The following CNOT2 variants were observed in gnomAD, a reference collection of about 807,000 sequenced individuals.
CNOT2 encodes the protein CC chemokine receptor 4-negative regulator of transcription 2.
CNOT2 carries 7 observed loss-of-function variants against 72.1 expected under a neutral mutation model. That is an observed-to-expected ratio of 0.10 (90% CI 0.06 to 0.18). The LOEUF is 0.18. Ranked by LOEUF, CNOT2 falls within the 10% of genes least tolerant of loss-of-function variation. The pLI is 1.00. For missense variants in CNOT2, 345 were observed against 660.3 expected (o/e 0.52, Z 5.23); for synonymous variants, 196 against 225.6 (o/e 0.87, Z 1.17).
At chr12:70,311,057 A>T (rs374877154) in intron 3 of CNOT2, 40 bp downstream of exon 3, 1 of 1,498,934 alleles carries the variant, frequency 6.7e-7, no homozygotes, top group Non-Finnish European at 9.2e-7. Flanking sequence ...CAGCAATGTA[A>T]GTCTGTGTCT....
intron 2 of CNOT2, among the ~76,000 whole-genome samples, chr12:70,300,308 G>C (rs1387072697): frequency 6.6e-6 from 1 of 152,152 alleles, no homozygotes. Flanking sequence ...CCTATGTCCT[G>C]AATGGTATTG....
intron 1 of CNOT2, among the ~76,000 whole-genome samples, chr12:70,265,006 A>C (rs183304138): frequency 1.3e-3 from 192 of 152,098 alleles, no homozygotes; most frequent in African/African-American, 4.5e-3. Flanking sequence ...ACTTGTTCGT[A>C]GATCTTTGGG....
At chr12:70,304,860 A>G (rs1874929073) in intron 2 of CNOT2, among the ~76,000 whole-genome samples, 1 of 152,136 alleles carries the variant, frequency 6.6e-6, no homozygotes, top group Non-Finnish European at 1.5e-5. Flanking sequence ...TACCTACTCA[A>G]GCCTTGGCAA....
intron 15 of CNOT2, among the ~76,000 whole-genome samples, chr12:70,347,344 C>A (rs1181616191): frequency 6.6e-6 from 1 of 151,902 alleles, no homozygotes; most frequent in African/African-American, 2.4e-5. Flanking sequence ...TCATATAAAA[C>A]TCAAAAAGCC....
intron 2 of CNOT2, chr12:70,294,135 C>T (rs1379075828): frequency 7.8e-7 from 1 of 1,289,170 alleles, no homozygotes; most frequent in African/African-American, 1.5e-5. Context: ...TGGAGTTGAA[C>T]TTCAGAGCTA....
intron 15 of CNOT2, chr12:70,347,937 C>CTA (rs1163706626): frequency 6.6e-6 from 1 of 152,158 alleles, no homozygotes. Flanking sequence ...CAGTAGAAAG[C>CTA]TATAGCCTTT....
chr12:70,304,381 G>T (rs1266908821), intron 2 of CNOT2, among the ~76,000 whole-genome samples: 2 of 152,068 alleles, frequency 1.3e-5, no homozygotes, highest in Non-Finnish European at 2.9e-5. Flanking sequence ...TGGGTTTTTG[G>T]TGTGGATGTC....
rs1883271312 is a variant in CNOT2 at position 70,354,833 on chromosome 12, C to T, written c.*918C>T. On this transcript the variant is annotated 3_prime_UTR_variant, in exon 16 of 16. Coordinates refer to ENST00000229195, the MANE Select transcript of CNOT2 (RefSeq NM_014515.7). ...TTTCAGCAGCCAAGGACATCCATAC[C>T]CAAGTGAATGTGATGGGACTTAAAA... is the stretch of plus-strand genomic sequence containing the variant. 1 of 152,478 alleles carries T rather than the reference C, an allele frequency of 6.6e-6. No homozygotes were observed. The highest frequency in any genetic ancestry group is 1.5e-5 in the Non-Finnish European group (1 of 68,002). The allele number at this position is 152,478 out of a possible 1,614,324, so 9.4% of individuals were successfully genotyped here.
rs542058263 is a variant in CNOT2, at chr12:70,281,650, G to C, written c.48+3376G>C. 3.3e-5 allele frequency among the ~76,000 whole-genome samples: 5 copies of C among 152,248 alleles called. No individual in the cohort carries two copies. In the South Asian group the frequency reaches 1.0e-3, roughly 32 times the overall value. ...CAAGAATTAAGTATCAGTTTTTCCA[G>C]ACGTCACCCTATGGTAGATTCAGTG... On this transcript the variant is annotated intron_variant, in intron 2 of 15. Coordinates refer to ENST00000229195, the MANE Select transcript of CNOT2 (RefSeq NM_014515.7).
chr12:70,253,047 T>A (rs532704312), intron 1 of CNOT2, among the ~76,000 whole-genome samples: 2 of 152,228 alleles, frequency 1.3e-5, no homozygotes, highest in African/African-American at 2.4e-5. Flanking sequence ...GAATTTTGTT[T>A]AGATGACCTT....
intron 3 of CNOT2, among the ~76,000 whole-genome samples, chr12:70,314,392 T>C (rs902851099): frequency 4.1e-5 from 6 of 145,574 alleles, no homozygotes; most frequent in Admixed American, 1.4e-4. Context: ...TCATGAAGGA[T>C]TTTTTTTTTT....
At chr12:70,342,015 C>A in intron 11 of CNOT2, 92 bp from the exon 12 acceptor site, 1 of 830,860 alleles carries the variant, frequency 1.2e-6, no homozygotes, top group South Asian at 1.4e-5. Flanking sequence ...TAAAGATGGT[C>A]ATTTTACAGT....
chr12:70,346,118 T>C (rs1882138471), intron 14 of CNOT2, 62 bp from the exon 15 acceptor site: 1 of 1,110,916 alleles, frequency 9.0e-7, no homozygotes, highest in African/African-American at 1.6e-5. Context: ...TTACAAAATG[T>C]AGAACATGTT....
intron 1 of CNOT2, among the ~76,000 whole-genome samples, chr12:70,265,008 A>T (rs1958952806): frequency 4.6e-5 from 7 of 151,864 alleles, no homozygotes; most frequent in Admixed American, 4.6e-4. Context: ...TTGTTCGTAG[A>T]TCTTTGGGCA....
intron 1 of CNOT2, among the ~76,000 whole-genome samples, chr12:70,257,372 T>TC (rs992824152): frequency 4.3e-5 from 6 of 140,680 alleles, no homozygotes; most frequent in African/African-American, 1.7e-4. Context: ...TTTTTTTTTT[T>TC]CTTTTTGAGA....
At chr12:70,281,555 G>T (rs1400515595) in intron 2 of CNOT2, among the ~76,000 whole-genome samples, 1 of 152,160 alleles carries the variant, frequency 6.6e-6, no homozygotes, top group Non-Finnish European at 1.5e-5. Context: ...CTGCCATGCA[G>T]TTTCACACCC....
intron 1 of CNOT2, among the ~76,000 whole-genome samples, chr12:70,248,369 T>C (rs1957985781): frequency 6.6e-6 from 1 of 152,188 alleles, no homozygotes. Context: ...ATCATTTCTT[T>C]TGTTTTGTTT....
At chr12:70,325,043 A>G (rs1878872158) in intron 4 of CNOT2, among the ~76,000 whole-genome samples, 1 of 151,886 alleles carries the variant, frequency 6.6e-6, no homozygotes, top group East Asian at 1.9e-4. Context: ...TGTCTACTGC[A>G]TGTAAACACC....
chr12:70,243,917 T>G (rs1957720711), intron 1 of CNOT2: 1 of 152,178 alleles, frequency 6.6e-6, no homozygotes, highest in Non-Finnish European at 1.5e-5. Flanking sequence ...GCAGCGGCCG[T>G]GGCCGTGGCC....
Sources: allele counts gnomAD v4.1 joint callset (sites outside exome capture counted in the v4.1 genomes callset), GRCh38; gene constraint gnomAD v4.1.1; transcripts MANE v1.5; gene names NCBI Gene and HGNC (gene_info 2026-07-23, HGNC 2026-07-21).